CLYBL: variants seen among roughly 807,000 people sequenced by gnomAD.
CLYBL encodes citramalyl-CoA lyase, mitochondrial.
A neutral mutation model predicts 38.9 loss-of-function variants in CLYBL; 31 were observed. That is an observed-to-expected ratio of 0.80 (90% CI 0.60 to 1.08). CLYBL has a LOEUF of 1.08. Ranked by LOEUF, CLYBL falls within the 50% of genes least tolerant of loss-of-function variation. CLYBL has a pLI of 0.00. For synonymous variants in CLYBL, 171 were observed against 158.6 expected (o/e 1.08, Z -0.59); for missense variants, 434 against 411.6 (o/e 1.05, Z -0.47).
chr13:99,817,388 G>C (rs1389087556), intron 2 of CLYBL, among the ~76,000 whole-genome samples: 1 of 152,206 alleles, frequency 6.6e-6, no homozygotes, highest in Non-Finnish European at 1.5e-5. Flanking sequence ...GCCGGGTGCA[G>C]TGGCTCACGC....
At chr13:99,683,734 T>G (rs1010337088) in intron 1 of CLYBL, among the ~76,000 whole-genome samples, 2 of 125,768 alleles carry the variant, frequency 1.6e-5, no homozygotes, top group African/African-American at 8.3e-5. Flanking sequence ...TATTTTACAG[T>G]TAACTTTTTT....
At chr13:99,711,403 C>CTTTTTTT (rs71215540) in intron 1 of CLYBL, among the ~76,000 whole-genome samples, 5 of 83,188 alleles carry the variant, frequency 6.0e-5, no homozygotes, top group Non-Finnish European at 1.1e-4. Flanking sequence ...GGGAGTCCGT[C>CTTTTTTT]TTTTTTTTTT....
At chr13:99,662,054 T>C (rs1020847615) in intron 1 of CLYBL, among the ~76,000 whole-genome samples, 20 of 152,228 alleles carry the variant, frequency 1.3e-4, no homozygotes, top group Non-Finnish European at 1.5e-4. Context: ...CAATCAGTGC[T>C]GGAGGGAAGA....
At chr13:99,684,712 G>GAACA (rs1260910151) in intron 1 of CLYBL, among the ~76,000 whole-genome samples, 1 of 152,220 alleles carries the variant, frequency 6.6e-6, no homozygotes, top group Non-Finnish European at 1.5e-5. Flanking sequence ...CGATGATGCA[G>GAACA]TGAACATAAT....
At chr13:99,661,992 G>C (rs1373662286) in intron 1 of CLYBL, among the ~76,000 whole-genome samples, 1 of 152,188 alleles carries the variant, frequency 6.6e-6, no homozygotes, top group African/African-American at 2.4e-5. Context: ...GGCAGTTCAA[G>C]TGTTTCTGCC....
chr13:99,818,683 C>T (rs1221392900), intron 2 of CLYBL, among the ~76,000 whole-genome samples: 1 of 152,206 alleles, frequency 6.6e-6, no homozygotes, highest in Non-Finnish European at 1.5e-5. Flanking sequence ...CAAAGCTTCA[C>T]TTAATCCACT....
At chr13:99,653,941 T>G (rs140565727) in intron 1 of CLYBL, among the ~76,000 whole-genome samples, 194 of 152,308 alleles carry the variant, frequency 1.3e-3, no homozygotes, top group African/African-American at 4.3e-3. Flanking sequence ...TTATCAAGGA[T>G]AATTTCTTCC....
At chr13:99,724,846 C>G (rs942755411) in intron 1 of CLYBL, among the ~76,000 whole-genome samples, 12 of 152,208 alleles carry the variant, frequency 7.9e-5, no homozygotes, top group African/African-American at 2.9e-4. Context: ...AAAAATGGAA[C>G]AAGTGTTCCT....
chr13:99,654,474 C>T (rs1029660798), intron 1 of CLYBL, among the ~76,000 whole-genome samples: 2 of 152,222 alleles, frequency 1.3e-5, no homozygotes, highest in Admixed American at 1.3e-4. Flanking sequence ...CAACCCAAAT[C>T]TTCTTCTCCC....
intron 2 of CLYBL, among the ~76,000 whole-genome samples, chr13:99,787,992 T>C (rs1436401646): frequency 6.6e-6 from 1 of 152,212 alleles, no homozygotes; most frequent in Non-Finnish European, 1.5e-5. Flanking sequence ...ATGATTTGGC[T>C]CTCTGTTTGT....
chr13:99,649,976 C>T (rs545109225), intron 1 of CLYBL, among the ~76,000 whole-genome samples: 1 of 151,590 alleles, frequency 6.6e-6, no homozygotes, highest in South Asian at 2.1e-4. Flanking sequence ...AAAAATCAGA[C>T]TGGTAGGCCA....
intron 1 of CLYBL, among the ~76,000 whole-genome samples, chr13:99,696,537 A>C (rs904828587): frequency 6.6e-6 from 1 of 152,128 alleles, no homozygotes; most frequent in African/African-American, 2.4e-5. Flanking sequence ...TTGTTAGTAA[A>C]AGTTATTGAA....
At chr13:99,694,664 C>T (rs548169564) in intron 1 of CLYBL, among the ~76,000 whole-genome samples, 22 of 152,240 alleles carry the variant, frequency 1.4e-4, no homozygotes, top group South Asian at 6.2e-4. Context: ...CCGAGGAGCA[C>T]GTCTAAATGG....
At chr13:99,708,105 A>C (rs1449930616) in intron 1 of CLYBL, among the ~76,000 whole-genome samples, 1 of 152,112 alleles carries the variant, frequency 6.6e-6, no homozygotes, top group Non-Finnish European at 1.5e-5. Flanking sequence ...CAGCCTCCCA[A>C]GTAGCAGGGA....
chr13:99,720,646 A>G (rs2048379444), intron 1 of CLYBL, among the ~76,000 whole-genome samples: 1 of 152,238 alleles, frequency 6.6e-6, no homozygotes, highest in Non-Finnish European at 1.5e-5. Context: ...GTTCAAGGCT[A>G]AAAGCTATAT....
At chr13:99,622,815 T>C (rs1466699131) in intron 1 of CLYBL, among the ~76,000 whole-genome samples, 1 of 150,976 alleles carries the variant, frequency 6.6e-6, no homozygotes, top group Admixed American at 6.6e-5. Flanking sequence ...TTAAATTTAA[T>C]TTTTTAGAGA....
intron 2 of CLYBL, among the ~76,000 whole-genome samples, chr13:99,847,128 A>C (rs546062730): frequency 3.9e-5 from 6 of 152,168 alleles, no homozygotes; most frequent in Non-Finnish European, 7.3e-5. Flanking sequence ...CAGGCCAGGG[A>C]CAGGTGACAC....
chr13:99,749,979 C>T (rs534036182), intron 1 of CLYBL, among the ~76,000 whole-genome samples: 6 of 152,200 alleles, frequency 3.9e-5, no homozygotes, highest in African/African-American at 7.2e-5. Context: ...ATAGTCAAAG[C>T]GGGTTGAAAT....
chr13:99,873,583 A>T (rs2051962948), intron 7 of CLYBL, among the ~76,000 whole-genome samples: 1 of 152,188 alleles, frequency 6.6e-6, no homozygotes, highest in African/African-American at 2.4e-5. Flanking sequence ...AAGAAGGAAA[A>T]ATTATGTATC....
Sources: gnomAD v4.1 joint callset for allele counts (sites outside exome capture counted in the v4.1 genomes callset) on GRCh38, gnomAD v4.1.1 for gene constraint, MANE v1.5 for transcripts, NCBI Gene and HGNC (gene_info 2026-07-23, HGNC 2026-07-21) for gene names.